DGKG: variants seen among roughly 807,000 people sequenced by gnomAD.
DGKG encodes DAG kinase gamma.
Under a neutral mutation model 105.3 loss-of-function variants are expected in DGKG, and 78 were observed. The ratio of observed to expected loss-of-function variants is 0.74; its 90% CI spans 0.62 to 0.89. DGKG has a LOEUF of 0.89. Among genes scored for constraint, DGKG ranks in the 40% least tolerant of loss-of-function variants. The pLI is 0.00. For synonymous variants in DGKG, 346 were observed against 367.1 expected, an observed-to-expected ratio of 0.94 and a Z score of 0.66; for missense variants, 958 against 1,020.1, an observed-to-expected ratio of 0.94 and a Z score of 0.83.
Position 186,148,165 on chromosome 3 carries a change from C to T in DGKG, c.*1925G>A. 1 of 985,488 alleles carries T rather than the reference C, an allele frequency of 1.0e-6. No homozygotes were observed. Among genetic ancestry groups the T allele is most frequent in the Non-Finnish European group, 1.2e-6 (1 of 830,004 alleles). 61.0% of individuals were successfully genotyped at this position (985,488 alleles called of 1,614,324 possible). ...GGAGGCCCAATGAAGCTCTGCATGG[C>T]CTTGCCCTTGGGAAAGGATGGTAAT... On this transcript the variant is annotated 3_prime_UTR_variant, in exon 25 of 25. Coordinates refer to ENST00000265022, the MANE Select transcript of DGKG (RefSeq NM_001346.3).
At chr3:186,194,803 TAAAA>T (rs57878064) in intron 21 of DGKG, among the ~76,000 whole-genome samples, 9 of 105,404 alleles carry the variant, frequency 8.5e-5, no homozygotes, top group African/African-American at 2.1e-4. Flanking sequence ...GGTCTTTCTT[TAAAA>T]AAAAAAAAAA....
chr3:186,325,802 G>A lies in DGKG; in HGVS notation c.-248-5095C>T, dbSNP rs549354929. Among the ~76,000 whole-genome samples the A allele has an allele frequency of 1.1e-4, 16 of 152,172 alleles. No homozygotes were observed. In the East Asian group the frequency reaches 2.7e-3, roughly 26 times the overall value. ...ATTTTATTCTGTGGGTTACAAATCT[G>A]TTGCTATCTTCGACTCTCAGATTAT... is the stretch of plus-strand genomic sequence containing the variant. On this transcript the variant is annotated intron_variant, in intron 1 of 24. Transcript: ENST00000265022.
At chr3:186,316,711 T>C (rs1018565426) in intron 2 of DGKG, among the ~76,000 whole-genome samples, 1 of 152,164 alleles carries the variant, frequency 6.6e-6, no homozygotes, top group African/African-American at 2.4e-5. Flanking sequence ...CCAGAGAAGG[T>C]GCCAACTTTA....
At chr3:186,213,897 C>T (rs190864947) in intron 20 of DGKG, among the ~76,000 whole-genome samples, 21 of 152,282 alleles carry the variant, frequency 1.4e-4, no homozygotes, top group African/African-American at 4.3e-4. Context: ...AGGGTCAGTG[C>T]CTTTCCACAG....
chr3:186,346,991 C>T (rs1386651730), intron 1 of DGKG, among the ~76,000 whole-genome samples: 2 of 152,030 alleles, frequency 1.3e-5, no homozygotes, highest in Non-Finnish European at 2.9e-5. Flanking sequence ...TTAAATTTTA[C>T]TTTTAGCTAT....
intron 20 of DGKG, among the ~76,000 whole-genome samples, chr3:186,229,187 A>T (rs1720005946): frequency 6.6e-6 from 1 of 151,948 alleles, no homozygotes; most frequent in African/African-American, 2.4e-5. Context: ...ACAGAAAATC[A>T]TTCTCTCTCA....
intron 24 of DGKG, chr3:186,158,942 C>T (rs1412568232): frequency 5.6e-6 from 3 of 537,876 alleles, no homozygotes; most frequent in South Asian, 8.3e-5. Context: ...ATTAACATTA[C>T]TATGTCTTCC....
chr3:186,260,836 A>G (rs1460759510), intron 15 of DGKG, among the ~76,000 whole-genome samples: 2 of 152,254 alleles, frequency 1.3e-5, no homozygotes, highest in Non-Finnish European at 2.9e-5. Context: ...TATCCTCCAC[A>G]GAGACCTTCT....
intron 1 of DGKG, among the ~76,000 whole-genome samples, chr3:186,346,534 C>T (rs909426918): frequency 1.2e-4 from 19 of 152,112 alleles, no homozygotes. Context: ...TGGTGCTTGT[C>T]AAACAACAGG....
intron 9 of DGKG, among the ~76,000 whole-genome samples, chr3:186,278,891 C>T (rs934765513): frequency 3.3e-5 from 5 of 152,150 alleles, no homozygotes; most frequent in Admixed American, 1.3e-4. Flanking sequence ...GACTAGTAAA[C>T]GCTTAATGTC....
chr3:186,205,312 G>A (rs911027270), intron 21 of DGKG, among the ~76,000 whole-genome samples: 1 of 150,972 alleles, frequency 6.6e-6, no homozygotes, highest in Admixed American at 6.6e-5. Flanking sequence ...GCACTAACAT[G>A]GAGTGATCTC....
chr3:186,254,466 C>T (rs1428428417), intron 17 of DGKG, among the ~76,000 whole-genome samples: 1 of 152,128 alleles, frequency 6.6e-6, no homozygotes, highest in Non-Finnish European at 1.5e-5. Context: ...CAGCCTGCTC[C>T]CTTTGCCTAG....
intron 24 of DGKG, among the ~76,000 whole-genome samples, chr3:186,154,206 T>A (rs1715914745): frequency 6.6e-6 from 1 of 152,220 alleles, no homozygotes; most frequent in African/African-American, 2.4e-5. Flanking sequence ...CTCTGCGATA[T>A]TTTAAAAGTT....
At chr3:186,265,169 G>T in intron 14 of DGKG, 78 bp downstream of exon 14, 1 of 1,414,786 alleles carries the variant, frequency 7.1e-7, no homozygotes, top group Non-Finnish European at 1.0e-6. Context: ...CTTTTCTGTA[G>T]AACCCAAACC....
intron 3 of DGKG, among the ~76,000 whole-genome samples, chr3:186,300,694 T>C (rs2108617433): frequency 6.6e-6 from 1 of 152,304 alleles, no homozygotes; most frequent in East Asian, 1.9e-4. Context: ...TAGCATCAAA[T>C]GAAAACTATC....
chr3:186,276,189 A>G (rs1722580309), intron 9 of DGKG, among the ~76,000 whole-genome samples: 1 of 152,230 alleles, frequency 6.6e-6, no homozygotes, highest in Non-Finnish European at 1.5e-5. Context: ...CATAATTACC[A>G]AAAGGCTAAT....
At chr3:186,229,927 C>A (rs920244954) in intron 20 of DGKG, among the ~76,000 whole-genome samples, 1 of 152,104 alleles carries the variant, frequency 6.6e-6, no homozygotes, top group Non-Finnish European at 1.5e-5. Context: ...TTATAGAAGA[C>A]AAAGAGGGTG....
chr3:186,283,725 T>C (rs1369622022), intron 7 of DGKG, among the ~76,000 whole-genome samples: 1 of 152,236 alleles, frequency 6.6e-6, no homozygotes, highest in Non-Finnish European at 1.5e-5. Flanking sequence ...TAAATATGTG[T>C]TGACCAAATG....
chr3:186,283,979 C>T (rs1052191164), intron 7 of DGKG, among the ~76,000 whole-genome samples: 2 of 152,208 alleles, frequency 1.3e-5, no homozygotes, highest in Non-Finnish European at 2.9e-5. Flanking sequence ...ACAACAGGGC[C>T]TGTCTGACTC....
Sources: gnomAD v4.1 joint callset for allele counts (sites outside exome capture counted in the v4.1 genomes callset) on GRCh38, gnomAD v4.1.1 for gene constraint, MANE v1.5 for transcripts, NCBI Gene and HGNC (gene_info 2026-07-23, HGNC 2026-07-21) for gene names.